The following SELENOK variants were observed in gnomAD, a reference collection of about 807,000 sequenced individuals.
The protein encoded by SELENOK is selenoprotein K.
Under a neutral mutation model 17.3 loss-of-function variants are expected in SELENOK, and 11 were observed. The ratio of observed to expected loss-of-function variants is 0.63; its 90% confidence interval spans 0.40 to 1.05. The LOEUF (loss-of-function observed/expected upper bound fraction) is 1.05. Among genes scored for constraint, SELENOK ranks in the 50% least tolerant of loss-of-function variants. SELENOK has a pLI of 0.00. For missense variants in SELENOK, 125 were observed against 113.9 expected, an observed-to-expected ratio of 1.10 and a Z score of -0.44; for synonymous variants, 45 against 35.4, an observed-to-expected ratio of 1.27 and a Z score of -0.97.
In SELENOK at chr3:53,891,792, G is replaced by A. The variant is rs766670099; in HGVS notation, c.-4C>T. ...TACCGTTCGAGATGTAAACCATCTT[G>A]TCCCACTTCCCCGCTTCGGAGCCAC... On this transcript the variant is annotated 5_prime_UTR_variant, in exon 1 of 5. Coordinates refer to ENST00000495461, the MANE Select transcript of SELENOK (RefSeq NM_021237.5). 5 of 1,613,978 alleles carry A rather than the reference G, an allele frequency of 3.1e-6. No individual in the cohort carries two copies. The South Asian group carries it at 4.4e-5, about 14-fold the overall frequency.
chr3:53,890,433 G>A (rs1559799862), intron 1 of SELENOK, among the ~76,000 whole-genome samples: 2 of 152,158 alleles, frequency 1.3e-5, no homozygotes, highest in African/African-American at 4.8e-5. Flanking sequence ...AAGGCAGAAT[G>A]TCCCTTCCAC....
chr3:53,886,892 G>A lies in SELENOK; in HGVS notation c.153C>T (p.Ser51=). ...ATCTGGAATCAGATGAGTTTCCATA[G>A]CTTCTTCTTTTTTTCACATCTTGCT... The part of the protein sequence containing the change: ...LLQQDVKKRR[S]YGNSSDSRYD... Residue 51 remains serine (S), a synonymous_variant, in exon 3 of 5, where the codon AGC becomes AGT. Coordinates refer to ENST00000495461, the MANE Select transcript of SELENOK (RefSeq NM_021237.5). 1 of 1,572,854 alleles carries A rather than the reference G, an allele frequency of 6.4e-7. No homozygotes were observed. Among genetic ancestry groups the A allele is most frequent in the Non-Finnish European group, 8.6e-7 (1 of 1,157,348 alleles).
At position 53,885,603 on chromosome 3, in the gene SELENOK, T is replaced by A. The variant is rs775935395; in HGVS notation, c.282-42A>T. The stretch of plus-strand genomic sequence containing the variant: ...CAATAATTAGTTACTGGTTATTAAT[T>A]TGGATCTGTGTGAAAACCTCAACAT... On this transcript the variant is annotated intron_variant, in intron 4 of 4. Coordinates refer to ENST00000495461, the MANE Select transcript of SELENOK (RefSeq NM_021237.5). 3.8e-6 allele frequency: 6 copies of A among 1,590,888 alleles called. No homozygotes were observed. The East Asian group carries it at 1.1e-4, about 30-fold the overall frequency.
At position 53,888,381 on chromosome 3, in the gene SELENOK, T is replaced by G. The variant is rs1365333427; in HGVS notation, c.110+12A>C. ...TAAATATCAGGGCAATTAAGAGCTC[T>G]TCTATACTTACAACAAAACCACAAA... On this transcript the variant is annotated intron_variant, in intron 2 of 4. Coordinates refer to ENST00000495461, the MANE Select transcript of SELENOK (RefSeq NM_021237.5). 7 of 1,573,800 alleles carry G rather than the reference T, an allele frequency of 4.4e-6. No homozygotes were observed. The highest frequency in any genetic ancestry group is 4.4e-6 in the Non-Finnish European group (5 of 1,143,948).
rs980789344 is a variant in SELENOK, at chr3:53,885,871, T to C, written c.236A>G (p.His79Arg). 7.6e-6 allele frequency: 12 copies of C among 1,575,608 alleles called. No individual in the cohort carries two copies. Among genetic ancestry groups the C allele is most frequent in the Non-Finnish European group, 1.0e-5 (12 of 1,164,032 alleles). Residue 79 changes from histidine to arginine, a missense_variant, in exon 4 of 5, where the codon CAT becomes CGT. Transcript: ENST00000495461. Reference sequence around the variant, plus strand: ...TGGAGGGGGACTAGGGCCACGCAGATGATTGATTCTACCCATTCTTCGGGG... The same window carrying C: ...TGGAGGGGGACTAGGGCCACGCAGACGATTGATTCTACCCATTCTTCGGGG... The part of the protein sequence containing the change: ...NPPRRMGRIN[H>R]LRGPSPPPMA...
intron 1 of SELENOK, among the ~76,000 whole-genome samples, chr3:53,891,353 G>A (rs1396482004): frequency 6.6e-6 from 1 of 152,154 alleles, no homozygotes; most frequent in African/African-American, 2.4e-5. Flanking sequence ...GTTTCCACCC[G>A]TAAAACAGGA....
At chr3:53,889,195 C>T (rs1306146614) in intron 1 of SELENOK, among the ~76,000 whole-genome samples, 3 of 152,042 alleles carry the variant, frequency 2.0e-5, no homozygotes, top group African/African-American at 7.2e-5. Context: ...GATGCACAAC[C>T]ATCACCACCA....
intron 3 of SELENOK, among the ~76,000 whole-genome samples, chr3:53,886,460 T>A (rs1438798050): frequency 6.6e-6 from 1 of 152,196 alleles, no homozygotes; most frequent in Non-Finnish European, 1.5e-5. Flanking sequence ...GGTCTCGATC[T>A]CTTGACCTCG....
chr3:53,885,705 A>AAT, intron 4 of SELENOK, 121 bp downstream of exon 4: 2 of 1,204,592 alleles, frequency 1.7e-6, no homozygotes, highest in Non-Finnish European at 2.4e-6. Context: ...TAAGATAACA[A>AAT]ATATATTTCC....
chr3:53,890,270 T>G (rs897038420), intron 1 of SELENOK, among the ~76,000 whole-genome samples: 1 of 151,994 alleles, frequency 6.6e-6, no homozygotes, highest in Non-Finnish European at 1.5e-5. Context: ...GGGCTAGCCA[T>G]CACATAAGAT....
At chr3:53,885,805 G>A (rs758221632) in intron 4 of SELENOK, 21 bp downstream of exon 4, 3 of 1,553,068 alleles carry the variant, frequency 1.9e-6, no homozygotes, top group Non-Finnish European at 2.6e-6. Context: ...TCCTACAAAA[G>A]AATTTCAGAT....
intron 1 of SELENOK, among the ~76,000 whole-genome samples, chr3:53,889,670 G>A (rs1700153891): frequency 6.6e-6 from 1 of 152,156 alleles, no homozygotes; most frequent in African/African-American, 2.4e-5. Flanking sequence ...TCCTAAACAT[G>A]CTGAGTATTT....
chr3:53,891,215 G>A (rs557956352), intron 1 of SELENOK, among the ~76,000 whole-genome samples: 17 of 152,274 alleles, frequency 1.1e-4, no homozygotes, highest in African/African-American at 4.1e-4. Flanking sequence ...GTTGTAGACA[G>A]AGGCAGCATA....
chr3:53,891,749 C>A, intron 1 of SELENOK, 21 bp downstream of exon 1: 1 of 1,613,858 alleles, frequency 6.2e-7, no homozygotes, highest in South Asian at 1.1e-5. Flanking sequence ...CGGTCGAAGC[C>A]ACAGCCCGCT....
chr3:53,891,845 T>C lies in SELENOK; in HGVS notation c.-57A>G. On this transcript the variant is annotated 5_prime_UTR_variant, in exon 1 of 5. It adds an upstream start codon to the 5' untranslated region. Coordinates refer to ENST00000495461, the MANE Select transcript of SELENOK (RefSeq NM_021237.5). Reference sequence around the variant, plus strand: ...GGCGCCTGGCCCCTGTCGGTTTCTGTATCTCCCTCTGCTCCCCGCCCTTCG... The same window carrying C: ...GGCGCCTGGCCCCTGTCGGTTTCTGCATCTCCCTCTGCTCCCCGCCCTTCG... The C allele has an allele frequency of 6.3e-7, 1 of 1,588,194 alleles. No homozygotes were observed. Among genetic ancestry groups the C allele is most frequent in the Non-Finnish European group, 8.6e-7 (1 of 1,156,974 alleles).
Position 53,891,801 on chromosome 3 carries a change from C to G in SELENOK, c.-13G>C. ...AGATGTAAACCATCTTGTCCCACTT[C>G]CCCGCTTCGGAGCCACCGGGCGCCT... On this transcript the variant is annotated 5_prime_UTR_variant, in exon 1 of 5. Coordinates refer to ENST00000495461, the MANE Select transcript of SELENOK (RefSeq NM_021237.5). 6.2e-7 allele frequency: 1 copy of G among 1,613,952 alleles called. No homozygotes were observed. The highest frequency in any genetic ancestry group is 2.2e-5 in the East Asian group (1 of 44,884).
intron 4 of SELENOK, 72 bp from the exon 5 acceptor site, chr3:53,885,633 CAT>C (rs1347938193): frequency 1.4e-6 from 2 of 1,451,028 alleles, no homozygotes; most frequent in Non-Finnish European, 1.9e-6. Flanking sequence ...CAACATATTA[CAT>C]GTTATAAAAT....
At chr3:53,885,991 C>A (rs1353627764) in intron 3 of SELENOK, 79 bp from the exon 4 acceptor site, 2 of 958,208 alleles carry the variant, frequency 2.1e-6, no homozygotes, top group African/African-American at 1.7e-5. Context: ...CTCAACTAGA[C>A]CCTTTTCTTT....
chr3:53,890,054 T>C (rs1385290466), intron 1 of SELENOK, among the ~76,000 whole-genome samples: 2 of 152,202 alleles, frequency 1.3e-5, no homozygotes, highest in Admixed American at 6.5e-5. Flanking sequence ...CACTCACCTC[T>C]ACCCACTCCA....
Sources: gnomAD v4.1 joint callset for allele counts (sites outside exome capture counted in the v4.1 genomes callset) on GRCh38, gnomAD v4.1.1 for gene constraint, MANE v1.5 for transcripts, NCBI Gene and HGNC (gene_info 2026-07-23, HGNC 2026-07-21) for gene names.